TAF9B: variants seen among roughly 807,000 people sequenced by gnomAD.
TAF9B encodes the protein TATA-box binding protein associated factor 9b.
A neutral mutation model predicts 17.6 loss-of-function variants in TAF9B; 47 were observed. The observed-to-expected ratio is 2.68, with a 90% confidence interval of 2.12 to 3.41. The LOEUF is 3.41. TAF9B is among the 30% of genes most tolerant of loss of function. The probability of loss-of-function intolerance (pLI) is 0.00; values close to 1 mark genes in which losing one functional copy is unlikely to be tolerated. For missense variants in TAF9B, 218 were observed against 189.3 expected (o/e 1.15, Z -0.89); for synonymous variants, 84 against 68.7 (o/e 1.22, Z -1.10).
chrX:78,131,452 A>G lies in TAF9B; in HGVS notation c.*158T>C. The G allele has an allele frequency of 2.5e-6, 1 of 401,896 alleles. No homozygotes were observed. Among genetic ancestry groups the G allele is most frequent in the Admixed American group, 4.7e-5 (1 of 21,196 alleles). The allele number at this position is 401,896 out of a possible 1,213,427, so 33.1% of individuals were successfully genotyped here. On this transcript the variant is annotated 3_prime_UTR_variant, in exon 7 of 7. Transcript: ENST00000341864. ...GAAGCCTACTGAAAAACACATTTGT[A>G]TGTTTACTAAAGAGATCTAACAGTT...
chrX:78,134,153 C>CATA (rs1557249820), intron 5 of TAF9B, among the ~76,000 whole-genome samples: 1 of 111,541 alleles, frequency 9.0e-6, no homozygotes, highest in Non-Finnish European at 1.9e-5. Context: ...AAATTCTACC[C>CATA]ATTATTCCAA....
At chrX:78,132,449 C>T (rs1446608990) in intron 6 of TAF9B, among the ~76,000 whole-genome samples, 1 of 111,707 alleles carries the variant, frequency 9.0e-6, no homozygotes, top group East Asian at 2.8e-4. Context: ...ATTCATCATG[C>T]AACATATTAA....
intron 6 of TAF9B, 107 bp from the exon 7 acceptor site, chrX:78,131,880 A>G (rs782209198): frequency 7.1e-6 from 5 of 701,031 alleles, no homozygotes; most frequent in Admixed American, 3.3e-5. Flanking sequence ...TCTAATACCA[A>G]TTTCAATAGC....
chrX:78,139,552 C>T lies in TAF9B; in HGVS notation c.51+9G>A, dbSNP rs781870334. ...GCTTCGCGATCCGCGGCTTATCCTT[C>T]GCACTTACCAAGGCATCTCTCGGAG... On this transcript the variant is annotated intron_variant, in intron 1 of 6. Coordinates refer to ENST00000341864, the MANE Select transcript of TAF9B (RefSeq NM_015975.5). The T allele has an allele frequency of 2.5e-6, 3 of 1,210,762 alleles. No individual in the cohort carries two copies. Among genetic ancestry groups the T allele is most frequent in the East Asian group, 5.9e-5 (2 of 33,742 alleles).
intron 6 of TAF9B, 56 bp from the exon 7 acceptor site, chrX:78,131,829 G>A (rs1370954544): frequency 9.4e-7 from 1 of 1,065,794 alleles, no homozygotes; most frequent in Non-Finnish European, 1.3e-6. Flanking sequence ...CCCAGAATCT[G>A]AAACATATGA....
Position 78,139,545 on chromosome X carries a change from TA to T in TAF9B, c.51+15del. ...GCACCTGGCTTCGCGATCCGCGGCT[TA>T]TCCTTCGCACTTACCAAGGCATCTC... On this transcript the variant is annotated intron_variant, in intron 1 of 6. Transcript: ENST00000341864. The T allele has an allele frequency of 8.3e-7, 1 of 1,211,252 alleles. No homozygotes were observed. Among genetic ancestry groups the T allele is most frequent in the Non-Finnish European group, 1.1e-6 (1 of 895,148 alleles).
At chrX:78,131,878 C>A in intron 6 of TAF9B, 105 bp from the exon 7 acceptor site, 1 of 715,481 alleles carries the variant, frequency 1.4e-6, no homozygotes, top group Non-Finnish European at 2.0e-6. Flanking sequence ...ATTCTAATAC[C>A]AATTTCAATA....
At chrX:78,135,878 C>T (rs1201639129) in intron 5 of TAF9B, among the ~76,000 whole-genome samples, 1 of 111,933 alleles carries the variant, frequency 8.9e-6, no homozygotes, top group Non-Finnish European at 1.9e-5. Flanking sequence ...GATTATAATG[C>T]AGATTTCTGT....
At chrX:78,137,669 G>A (rs2078438938) in intron 4 of TAF9B, 80 bp downstream of exon 4, 1 of 945,175 alleles carries the variant, frequency 1.1e-6, no homozygotes, top group Non-Finnish European at 1.4e-6. Flanking sequence ...TACTATACTA[G>A]CTACAGGAAT....
At chrX:78,136,133 C>T (rs782801578) in intron 5 of TAF9B, among the ~76,000 whole-genome samples, 8 of 110,600 alleles carry the variant, frequency 7.2e-5, no homozygotes, top group Non-Finnish European at 1.5e-4. Context: ...GAATACTAGA[C>T]TATGCAAGAA....
chrX:78,137,636 G>C, intron 4 of TAF9B, 113 bp downstream of exon 4: 1 of 721,548 alleles, frequency 1.4e-6, no homozygotes, highest in Non-Finnish European at 1.9e-6. Flanking sequence ...AAAAATTCTA[G>C]TAAGTTATCT....
chrX:78,131,711 T>G lies in TAF9B; in HGVS notation c.655A>C (p.Ile219Leu), dbSNP rs2149139899. Residue 219 changes from isoleucine (I) to leucine (L), a missense_variant, in exon 7 of 7, where the codon ATT becomes CTT. Transcript: ENST00000341864. ...GAAACCATGTTGGTGGTAATAAGAA[T>G]ATTTTTGGGCCCAATCATTGAAGGA... ...INPSMIGPKN[I>L]LITTNMVSSQ... is the part of the protein sequence containing the mutation. 8.3e-7 allele frequency: 1 copy of G among 1,208,857 alleles called. No homozygotes were observed. Among genetic ancestry groups the G allele is most frequent in the South Asian group, 1.8e-5 (1 of 56,776 alleles).
chrX:78,132,269 C>T (rs1211777873), intron 6 of TAF9B, among the ~76,000 whole-genome samples: 1 of 111,906 alleles, frequency 8.9e-6, no homozygotes. Context: ...GCTGGGATTA[C>T]AGGTGTGAGC....
rs782284542 is a variant in TAF9B, at chrX:78,131,415, CTGTT to C, written c.*191_*194del. ...AAACTATTAAGAAACAAGTACTTAA[CTGTT>C]TGTAATTGAAGCCTACTGAAAAACA... On this transcript the variant is annotated 3_prime_UTR_variant, in exon 7 of 7. Transcript: ENST00000341864. 52 of 336,251 alleles carry C rather than the reference CTGTT, an allele frequency of 1.5e-4. No homozygotes were observed. Among genetic ancestry groups the C allele is most frequent in the Middle Eastern group, 8.3e-4 (1 of 1,210 alleles). The allele number at this position is 336,251 out of a possible 1,213,427, so 27.7% of individuals were successfully genotyped here.
In TAF9B at chrX:78,133,428, CAG is replaced by C; in HGVS notation, c.500_501del (p.Ser167CysfsTer4). 8.3e-7 allele frequency: 1 copy of C among 1,209,547 alleles called. No individual in the cohort carries two copies. Among genetic ancestry groups the C allele is most frequent in the Non-Finnish European group, 1.1e-6 (1 of 893,525 alleles). ...TPTIATPQTV[S>X]VPNKVATPMS... Reference sequence around the variant, plus strand: ...ATTGGAGTTGCAACTTTATTTGGGACAGACACCGTTTGTGGGGTTGCTGTAGT... The same window carrying C: ...ATTGGAGTTGCAACTTTATTTGGGACACACCGTTTGTGGGGTTGCTGTAGT... On this transcript the variant is annotated frameshift_variant, in exon 6 of 7. Coordinates refer to ENST00000341864, the MANE Select transcript of TAF9B (RefSeq NM_015975.5). LOFTEE classifies it high-confidence loss of function.
In TAF9B at chrX:78,137,001, T is replaced by TA; in HGVS notation, c.406-12dup. ...CCCTTGGTTAGGTCCCTAGGGGATT[T>TA]AAAAAACAAATTAATGTTAAGATGT... On this transcript the variant is annotated splice_polypyrimidine_tract_variant and intron_variant, in intron 4 of 6. Transcript: ENST00000341864. 8.7e-7 allele frequency: 1 copy of TA among 1,151,310 alleles called. No individual in the cohort carries two copies. The highest frequency in any genetic ancestry group is 1.2e-6 in the Non-Finnish European group (1 of 845,539). 94.9% of individuals were successfully genotyped at this position (1,151,310 alleles called of 1,213,427 possible).
chrX:78,139,434 C>T (rs1603400175), intron 1 of TAF9B, 127 bp downstream of exon 1: 3 of 1,011,570 alleles, frequency 3.0e-6, no homozygotes, highest in East Asian at 3.1e-5. Flanking sequence ...TCACCCTCTC[C>T]TCCTGACGGC....
rs1054207247 is a variant in TAF9B, at chrX:78,132,641, T to C, written c.592+697A>G. Reference sequence around the variant, plus strand: ...GTGTGTGTGTGTGTGTGTGTGTGTGTGTGTGTGTATCCTATGAAGTAAAGG... The same window carrying C: ...GTGTGTGTGTGTGTGTGTGTGTGTGCGTGTGTGTATCCTATGAAGTAAAGG... On this transcript the variant is annotated intron_variant, in intron 6 of 6. Coordinates refer to ENST00000341864, the MANE Select transcript of TAF9B (RefSeq NM_015975.5). Among the ~76,000 whole-genome samples, 91 of 110,412 alleles carry C rather than the reference T, an allele frequency of 8.2e-4. 1 individual carries two copies. Among genetic ancestry groups the C allele is most frequent in the African/African-American group, 3.0e-3 (91 of 30,319 alleles).
chrX:78,131,723 CAATCATTGAAG>C lies in TAF9B; in HGVS notation c.632_642del (p.Pro211ArgfsTer20). On this transcript the variant is annotated frameshift_variant, in exon 7 of 7. Transcript: ENST00000341864. LOFTEE classifies it high-confidence loss of function. Reference sequence around the variant, plus strand: ...GTGGTAATAAGAATATTTTTGGGCCCAATCATTGAAGGATTAATCAGAACATTTTGAACTGC... The same window carrying C: ...GTGGTAATAAGAATATTTTTGGGCCCGATTAATCAGAACATTTTGAACTGC... 8.3e-7 allele frequency: 1 copy of C among 1,210,200 alleles called. No individual in the cohort carries two copies. Among genetic ancestry groups the C allele is most frequent in the Non-Finnish European group, 1.1e-6 (1 of 894,521 alleles).
Sources: allele counts gnomAD v4.1 joint callset (sites outside exome capture counted in the v4.1 genomes callset), GRCh38; gene constraint gnomAD v4.1.1; transcripts MANE v1.5; gene names NCBI Gene and HGNC (gene_info 2026-07-23, HGNC 2026-07-21).